Variants in CNTNAP2 observed in about 807,000 individuals in gnomAD.
The protein encoded by CNTNAP2 is contactin-associated protein-like 2.
Under a neutral mutation model 155.2 loss-of-function variants are expected in CNTNAP2, and 98 were observed. That is an observed-to-expected ratio of 0.63 (90% CI 0.54 to 0.75). CNTNAP2 has a LOEUF of 0.75. Ranked by LOEUF, CNTNAP2 falls within the 30% of genes least tolerant of loss-of-function variation. CNTNAP2 has a pLI of 0.00. For missense variants in CNTNAP2, 1,727 were observed against 1,688.1 expected (o/e 1.02, Z -0.40); for synonymous variants, 651 against 631.2 (o/e 1.03, Z -0.47).
At chr7:146,335,158 T>C (rs954897110) in intron 1 of CNTNAP2, among the ~76,000 whole-genome samples, 53 of 152,244 alleles carry the variant, frequency 3.5e-4, no homozygotes, top group Non-Finnish European at 6.8e-4. Context: ...ACTATGCTGG[T>C]CTACCCTGTT....
At chr7:147,702,921 T>C in intron 13 of CNTNAP2, among the ~76,000 whole-genome samples, 1 of 152,172 alleles carries the variant, frequency 6.6e-6, no homozygotes, top group Non-Finnish European at 1.5e-5. Flanking sequence ...GCAATGAAAC[T>C]AACACCCCCT....
intron 16 of CNTNAP2, among the ~76,000 whole-genome samples, chr7:148,129,377 C>T (rs929187821): frequency 1.3e-5 from 2 of 152,150 alleles, no homozygotes; most frequent in Admixed American, 6.5e-5. Flanking sequence ...ACATCGATTA[C>T]TGCAGAGAAG....
chr7:148,106,769 C>T (rs7798592), intron 15 of CNTNAP2, among the ~76,000 whole-genome samples: 28,293 of 151,888 alleles, frequency 0.19, 5,983 homozygotes, highest in African/African-American at 0.52. Flanking sequence ...AACTTTGTTT[C>T]TTGCTAAATC....
intron 15 of CNTNAP2, among the ~76,000 whole-genome samples, chr7:148,000,674 A>G (rs1801880555): frequency 6.6e-6 from 1 of 152,164 alleles, no homozygotes; most frequent in South Asian, 2.1e-4. Context: ...TTTGTATAAC[A>G]AGAGAAAGAT....
At chr7:148,280,102 A>G (rs1210668441) in intron 21 of CNTNAP2, among the ~76,000 whole-genome samples, 1 of 152,136 alleles carries the variant, frequency 6.6e-6, no homozygotes, top group Admixed American at 6.5e-5. Context: ...TGAGGTCAGG[A>G]GTTCGAGACC....
At chr7:146,801,124 T>C (rs910228323) in intron 2 of CNTNAP2, among the ~76,000 whole-genome samples, 5 of 152,174 alleles carry the variant, frequency 3.3e-5, no homozygotes, top group Admixed American at 2.6e-4. Context: ...AGGAAGTCTT[T>C]ACCCTTCATG....
chr7:146,623,172 C>T (rs1359716626), intron 1 of CNTNAP2, among the ~76,000 whole-genome samples: 2 of 152,090 alleles, frequency 1.3e-5, no homozygotes. Context: ...CCTAGGTTAG[C>T]ATCACCCCTC....
At chr7:146,789,967 A>G (rs917680381) in intron 2 of CNTNAP2, among the ~76,000 whole-genome samples, 1 of 151,598 alleles carries the variant, frequency 6.6e-6, no homozygotes, top group Non-Finnish European at 1.5e-5. Context: ...ACAATATCCC[A>G]TTGTATGATC....
At chr7:146,803,613 G>C (rs1279440524) in intron 2 of CNTNAP2, among the ~76,000 whole-genome samples, 1 of 152,154 alleles carries the variant, frequency 6.6e-6, no homozygotes, top group Non-Finnish European at 1.5e-5. Context: ...AGCTGTGTGT[G>C]CCAGGAATTA....
chr7:148,369,293 G>C (rs144356874), intron 21 of CNTNAP2, among the ~76,000 whole-genome samples: 1 of 134,984 alleles, frequency 7.4e-6, no homozygotes, highest in Non-Finnish European at 1.5e-5. Context: ...CCGCCTCCCA[G>C]GTTCAAGCCA....
intron 18 of CNTNAP2, among the ~76,000 whole-genome samples, chr7:148,195,326 G>T (rs1795259318): frequency 1.3e-5 from 2 of 152,100 alleles, no homozygotes; most frequent in South Asian, 4.2e-4. Context: ...GAATTTCTTG[G>T]TCCTGGAGAT....
At chr7:147,374,676 T>C (rs1216923874) in intron 9 of CNTNAP2, among the ~76,000 whole-genome samples, 2 of 152,166 alleles carry the variant, frequency 1.3e-5, no homozygotes, top group South Asian at 2.1e-4. Context: ...TGAGACAGTA[T>C]GCTTCCTCCA....
At chr7:148,074,505 A>G (rs900253395) in intron 15 of CNTNAP2, among the ~76,000 whole-genome samples, 1 of 394 alleles carries the variant, frequency 2.5e-3, no homozygotes, top group African/African-American at 0.014. Context: ...AGCCTGGCCA[A>G]CATGGTGAAA....
chr7:148,226,667 C>A (rs929982440), intron 19 of CNTNAP2, among the ~76,000 whole-genome samples: 1 of 152,206 alleles, frequency 6.6e-6, no homozygotes, highest in African/African-American at 2.4e-5. Context: ...AGCATGCGCA[C>A]TACTTCAGTA....
intron 14 of CNTNAP2, among the ~76,000 whole-genome samples, chr7:147,930,141 A>G (rs1050900137): frequency 6.6e-6 from 1 of 152,226 alleles, no homozygotes; most frequent in African/African-American, 2.4e-5. Context: ...GAAAGAAAAA[A>G]AAACAGGAAA....
Position 148,253,055 on chromosome 7 carries a change from T to TGATAGATAGATAGATAGATAGATAGATA in CNTNAP2, c.3382-13958_3382-13957insGATAGATAGATAGATAGATAGATAGATA, listed in dbSNP as rs56702767. On this transcript the variant is annotated intron_variant, in intron 20 of 23. Coordinates refer to ENST00000361727, the MANE Select transcript of CNTNAP2 (RefSeq NM_014141.6). ...ATAGATAGATAGATAGATAGACAGA[T>TGATAGATAGATAGATAGATAGATAGATA]GATAGATAGATAGATAGATATTGAT... Among the ~76,000 whole-genome samples the TGATAGATAGATAGATAGATAGATAGATA allele has an allele frequency of 8.8e-3, 1,221 of 138,726 alleles. 19 individuals are homozygous for TGATAGATAGATAGATAGATAGATAGATA. The highest frequency in any genetic ancestry group is 0.03 in the African/African-American group (1,127 of 37,868). 91.0% of individuals were successfully genotyped at this position (138,726 alleles called of 152,430 possible).
intron 17 of CNTNAP2, among the ~76,000 whole-genome samples, chr7:148,164,762 A>G (rs1360266495): frequency 6.6e-6 from 1 of 151,586 alleles, no homozygotes; most frequent in East Asian, 1.9e-4. Context: ...CTGGGACTAC[A>G]GGCAGATGCC....
At chr7:148,125,450 A>G (rs1804697893) in intron 16 of CNTNAP2, among the ~76,000 whole-genome samples, 1 of 151,926 alleles carries the variant, frequency 6.6e-6, no homozygotes, top group Non-Finnish European at 1.5e-5. Context: ...TGCGTACTCA[A>G]TGTTTAGCTT....
intron 1 of CNTNAP2, among the ~76,000 whole-genome samples, chr7:146,540,954 A>C (rs1371071477): frequency 2.0e-5 from 3 of 152,064 alleles, no homozygotes; most frequent in Non-Finnish European, 4.4e-5. Context: ...ATTGCCATCA[A>C]GCAGATAACT....
Sources: gnomAD v4.1 joint callset for allele counts (sites outside exome capture counted in the v4.1 genomes callset) on GRCh38, gnomAD v4.1.1 for gene constraint, MANE v1.5 for transcripts, NCBI Gene and HGNC (gene_info 2026-07-23, HGNC 2026-07-21) for gene names.